The following DNAH11 variants were observed in gnomAD, a reference collection of about 807,000 sequenced individuals.
DNAH11 encodes dynein axonemal heavy chain 11.
Under a neutral mutation model 526.0 loss-of-function variants are expected in DNAH11, and 442 were observed. That is an observed-to-expected ratio of 0.84 (90% CI 0.78 to 0.91). The LOEUF is 0.91. DNAH11 is among the 40% of genes least tolerant of loss of function. DNAH11 has a pLI of 0.00. For missense variants in DNAH11, 6,989 were observed against 5,448.7 expected, an observed-to-expected ratio of 1.28 and a Z score of -8.90; for synonymous variants, 2,461 against 1,935.9, an observed-to-expected ratio of 1.27 and a Z score of -7.12.
chr7:21,746,403 A>C (rs962175433), intron 51 of DNAH11, among the ~76,000 whole-genome samples: 1 of 152,126 alleles, frequency 6.6e-6, no homozygotes, highest in Non-Finnish European at 1.5e-5. Flanking sequence ...CAGAAGTTTG[A>C]GACCTGTCTG....
intron 40 of DNAH11, 24 bp downstream of exon 40, chr7:21,707,859 C>T: frequency 6.5e-7 from 1 of 1,538,790 alleles, no homozygotes; most frequent in African/African-American, 1.4e-5. Flanking sequence ...TTTAGAAGTG[C>T]TCAATTTTTT....
At position 21,721,009 on chromosome 7, in the gene DNAH11, G is replaced by A. The variant is rs113700278; in HGVS notation, c.7266+153G>A. On this transcript the variant is annotated intron_variant, in intron 44 of 81. Transcript: ENST00000409508. ...CCTAAGTCTATGCATTCTCTGGGTA[G>A]TCCCATCCCTGATGGTTCTAACCCC... Among the ~76,000 whole-genome samples the A allele has an allele frequency of 9.5e-3, 1,442 of 152,204 alleles. 28 individuals carry two copies. The highest frequency in any genetic ancestry group is 0.034 in the African/African-American group (1,393 of 41,500).
Position 21,773,799 on chromosome 7 carries a change from G to T in DNAH11, c.9136G>T (p.Ala3046Ser), listed in dbSNP as rs763800651. 3 of 1,604,678 alleles carry T rather than the reference G, an allele frequency of 1.9e-6. No homozygotes were observed. Among genetic ancestry groups the T allele is most frequent in the African/African-American group, 2.7e-5 (2 of 74,686 alleles). ...VHKDSISLFM[A>S]HVHTTVNEMS... ...CAAAGACTCTATTAGCCTTTTCATG[G>T]CACATGTTCACACCACTGTAAATGA... is the stretch of plus-strand genomic sequence containing the variant. Residue 3046 changes from alanine (A) to serine (S), a missense_variant, in exon 56 of 82, where the codon GCA becomes TCA. Coordinates refer to ENST00000409508, the MANE Select transcript of DNAH11 (RefSeq NM_001277115.2).
chr7:21,671,356 C>T (rs1782636271), intron 30 of DNAH11, among the ~76,000 whole-genome samples: 1 of 152,152 alleles, frequency 6.6e-6, no homozygotes. Flanking sequence ...ACAGAGACTG[C>T]ATGGCCTACA....
At chr7:21,789,808 T>TCTTTCTTTTTTCTTTCTTTC in intron 61 of DNAH11, among the ~76,000 whole-genome samples, 427 of 34,048 alleles carry the variant, frequency 0.013, 5 homozygotes, top group Non-Finnish European at 0.014. Flanking sequence ...TTTCTTTCTT[T>TCTTTCTTTTTTCTTTCTTTC]TTTCTTTCTT....
At chr7:21,746,715 A>G (rs1786167603) in intron 51 of DNAH11, among the ~76,000 whole-genome samples, 1 of 152,122 alleles carries the variant, frequency 6.6e-6, no homozygotes, top group Admixed American at 6.5e-5. Flanking sequence ...ACCTACAAAA[A>G]TTGTAGAGCC....
chr7:21,714,088 A>G (rs988655192), intron 42 of DNAH11, among the ~76,000 whole-genome samples: 3 of 152,186 alleles, frequency 2.0e-5, no homozygotes, highest in Admixed American at 6.5e-5. Context: ...CTCCCAAGGC[A>G]TATGTAATTC....
intron 2 of DNAH11, among the ~76,000 whole-genome samples, chr7:21,545,409 G>A (rs557573440): frequency 3.0e-4 from 46 of 151,754 alleles, no homozygotes; most frequent in Non-Finnish European, 3.1e-4. Context: ...GCAATTGCAG[G>A]GATCATTCTC....
At chr7:21,857,291 C>A (rs2106916) in intron 68 of DNAH11, among the ~76,000 whole-genome samples, 14,737 of 151,928 alleles carry the variant, frequency 0.097, 2,073 homozygotes, top group African/African-American at 0.3. Flanking sequence ...TCTAAAAACT[C>A]CAAAATATTG....
At chr7:21,848,809 G>C (rs1191561750) in intron 66 of DNAH11, among the ~76,000 whole-genome samples, 1 of 151,896 alleles carries the variant, frequency 6.6e-6, no homozygotes, top group Non-Finnish European at 1.5e-5. Context: ...AATATAAATT[G>C]TATTTCTTTT....
chr7:21,828,274 T>C (rs1189817222), intron 65 of DNAH11, among the ~76,000 whole-genome samples: 1 of 152,178 alleles, frequency 6.6e-6, no homozygotes, highest in Non-Finnish European at 1.5e-5. Context: ...AAATAAACTC[T>C]AGAGTTATGT....
intron 7 of DNAH11, 118 bp downstream of exon 7, chr7:21,570,417 G>T: frequency 2.5e-6 from 2 of 804,052 alleles, no homozygotes; most frequent in Non-Finnish European, 3.8e-6. Context: ...TCCTTTCTCA[G>T]TGATTCTCAT....
chr7:21,851,060 C>T (rs1782613040), intron 66 of DNAH11: 1 of 152,644 alleles, frequency 6.6e-6, no homozygotes, highest in Non-Finnish European at 1.5e-5. Flanking sequence ...ATTCTGCCTT[C>T]CCCAGTGATA....
In DNAH11 at chr7:21,866,471, C is replaced by G. The variant is rs373626566; in HGVS notation, c.11498C>G (p.Ala3833Gly). 6.2e-7 allele frequency: 1 copy of G among 1,609,022 alleles called. No homozygotes were observed. The highest frequency in any genetic ancestry group is 2.2e-5 in the East Asian group (1 of 44,848). The change falls in exon 71 of 82, where the codon GCA becomes GGA. Residue 3833 changes from alanine to glycine, a missense_variant and splice_region_variant. By Grantham distance (60) the Ala-to-Gly change is moderately conservative. Coordinates refer to ENST00000409508, the MANE Select transcript of DNAH11 (RefSeq NM_001277115.2). ...ACTTGTTTCCCTATCATATTACAGG[C>G]AATTGCCGTCATGGAAGAATTTCGA... ...LTSQSWSAIK[A>G]IAVMEEFRGI...
chr7:21,732,608 A>G (rs748254200), intron 45 of DNAH11, among the ~76,000 whole-genome samples: 3 of 152,204 alleles, frequency 2.0e-5, no homozygotes, highest in Admixed American at 6.5e-5. Context: ...GGAGGAGACA[A>G]TTCAACCCCT....
At chr7:21,657,402 C>T (rs547796333) in intron 29 of DNAH11, among the ~76,000 whole-genome samples, 4 of 152,102 alleles carry the variant, frequency 2.6e-5, no homozygotes, top group Non-Finnish European at 5.9e-5. Flanking sequence ...TTGAGAAGTG[C>T]CAAAAAGGGA....
chr7:21,846,124 C>T (rs1782407647), intron 66 of DNAH11, among the ~76,000 whole-genome samples: 1 of 152,120 alleles, frequency 6.6e-6, no homozygotes. Context: ...TGCAAGAGGC[C>T]TTACGTTCAT....
chr7:21,696,872 G>T (rs1298351136), intron 35 of DNAH11, among the ~76,000 whole-genome samples: 1 of 152,078 alleles, frequency 6.6e-6, no homozygotes, highest in South Asian at 2.1e-4. Context: ...CACCCAATAT[G>T]GTATGAAGTG....
At chr7:21,792,927 G>C (rs1377653087) in intron 61 of DNAH11, among the ~76,000 whole-genome samples, 2 of 151,736 alleles carry the variant, frequency 1.3e-5, no homozygotes, top group Admixed American at 1.3e-4. Flanking sequence ...GGTTTGATTT[G>C]TTCTTATTAT....
Sources: allele counts gnomAD v4.1 joint callset (sites outside exome capture counted in the v4.1 genomes callset), GRCh38; gene constraint gnomAD v4.1.1; transcripts MANE v1.5; gene names NCBI Gene and HGNC (gene_info 2026-07-23, HGNC 2026-07-21).